Variants in NKAIN2 observed in about 807,000 individuals in gnomAD.
The protein encoded by NKAIN2 is sodium/potassium transporting ATPase interacting 2.
A neutral mutation model predicts 32.6 loss-of-function variants in NKAIN2; 14 were observed. The ratio of observed to expected loss-of-function variants is 0.43; its 90% CI spans 0.28 to 0.67. NKAIN2 has a LOEUF of 0.67. Among genes scored for constraint, NKAIN2 ranks in the 30% least tolerant of loss-of-function variants. The pLI, the probability that NKAIN2 is intolerant of heterozygous loss-of-function variation, is 0.17. For missense variants in NKAIN2, 198 were observed against 258.3 expected, an observed-to-expected ratio of 0.77 and a Z score of 1.60; for synonymous variants, 80 against 87.2, an observed-to-expected ratio of 0.92 and a Z score of 0.46.
chr6:124,779,090 A>T (rs977744639), intron 4 of NKAIN2, among the ~76,000 whole-genome samples: 1 of 151,934 alleles, frequency 6.6e-6, no homozygotes, highest in African/African-American at 2.4e-5. Flanking sequence ...TTATACAAAA[A>T]TTAGCTGGGC....
At chr6:124,075,804 C>T (rs963874849) in intron 1 of NKAIN2, among the ~76,000 whole-genome samples, 1 of 152,096 alleles carries the variant, frequency 6.6e-6, no homozygotes, top group African/African-American at 2.4e-5. Context: ...CCATGTTGGC[C>T]AGGCTGGTCT....
chr6:124,606,277 TCTC>T (rs1014994222), intron 3 of NKAIN2, among the ~76,000 whole-genome samples: 3 of 151,972 alleles, frequency 2.0e-5, no homozygotes, highest in Non-Finnish European at 4.4e-5. Flanking sequence ...TCAGGAGACT[TCTC>T]CTTTTTTTTG....
chr6:124,056,148 A>T (rs566739615), intron 1 of NKAIN2, among the ~76,000 whole-genome samples: 2 of 152,174 alleles, frequency 1.3e-5, no homozygotes, highest in African/African-American at 4.8e-5. Flanking sequence ...ATGCAGGGTA[A>T]TAAAAGTAAT....
intron 1 of NKAIN2, among the ~76,000 whole-genome samples, chr6:123,978,310 C>T (rs1022768328): frequency 6.6e-6 from 1 of 152,100 alleles, no homozygotes; most frequent in African/African-American, 2.4e-5. Context: ...ATAATTTAAA[C>T]TTATTGCTGC....
At chr6:124,555,188 T>C (rs538132935) in intron 3 of NKAIN2, among the ~76,000 whole-genome samples, 1 of 152,270 alleles carries the variant, frequency 6.6e-6, no homozygotes, top group African/African-American at 2.4e-5. Flanking sequence ...CTGGGCACAG[T>C]CTGTTGGTGC....
intron 2 of NKAIN2, among the ~76,000 whole-genome samples, chr6:124,337,277 C>T (rs1284203282): frequency 6.6e-6 from 1 of 152,112 alleles, no homozygotes; most frequent in African/African-American, 2.4e-5. Flanking sequence ...TGGGCAGATC[C>T]CTTGAGCTTA....
At chr6:124,480,308 CAG>C (rs1274278830) in intron 3 of NKAIN2, among the ~76,000 whole-genome samples, 1 of 152,156 alleles carries the variant, frequency 6.6e-6, no homozygotes, top group African/African-American at 2.4e-5. Flanking sequence ...TAACAGCTCT[CAG>C]TGAAAAAACT....
At chr6:123,816,432 G>A (rs886431525) in intron 1 of NKAIN2, among the ~76,000 whole-genome samples, 2 of 152,130 alleles carry the variant, frequency 1.3e-5, no homozygotes, top group African/African-American at 4.8e-5. Flanking sequence ...GGGAATGTGA[G>A]GGCAAAGTAG....
At chr6:124,650,423 G>T (rs376182532) in intron 3 of NKAIN2, among the ~76,000 whole-genome samples, 27 of 152,026 alleles carry the variant, frequency 1.8e-4, no homozygotes, top group African/African-American at 6.3e-4. Flanking sequence ...GAAATATATA[G>T]GTATCAATTT....
chr6:124,724,107 C>T (rs1776156826), intron 4 of NKAIN2, among the ~76,000 whole-genome samples: 1 of 152,164 alleles, frequency 6.6e-6, no homozygotes, highest in Non-Finnish European at 1.5e-5. Context: ...TGAGCCAACA[C>T]CAAGGCAGCA....
chr6:124,499,587 A>C (rs2114744178), intron 3 of NKAIN2, among the ~76,000 whole-genome samples: 1 of 152,280 alleles, frequency 6.6e-6, no homozygotes, highest in South Asian at 2.1e-4. Flanking sequence ...GGGTAGAACC[A>C]CTCAACTAAA....
intron 5 of NKAIN2, among the ~76,000 whole-genome samples, chr6:124,815,200 T>A (rs1382822818): frequency 1.5e-5 from 2 of 135,564 alleles, no homozygotes; most frequent in African/African-American, 5.6e-5. Context: ...CTGCAAAAAA[T>A]CCCCAGTCTT....
At chr6:124,222,358 A>C (rs78314943) in intron 1 of NKAIN2, among the ~76,000 whole-genome samples, 13,425 of 152,304 alleles carry the variant, frequency 0.088, 640 homozygotes, top group Non-Finnish European at 0.11. Flanking sequence ...ATACAGAAGT[A>C]AATAAATTTA....
In NKAIN2 at chr6:123,827,075, C is replaced by G. The variant is rs1774177857; in HGVS notation, c.54+22821C>G. ...TGGAATCTCATTGTGGTTCTGATTT[C>G]CATTTCCCTAATGTTTAGCGATGTT... On this transcript the variant is annotated intron_variant, in intron 1 of 6. Coordinates refer to ENST00000368417, the MANE Select transcript of NKAIN2 (RefSeq NM_001040214.3). 2.0e-5 allele frequency among the ~76,000 whole-genome samples: 3 copies of G among 152,070 alleles called. No homozygotes were observed. In the South Asian group the frequency reaches 6.2e-4, roughly 31 times the overall value.
intron 3 of NKAIN2, among the ~76,000 whole-genome samples, chr6:124,649,973 T>C (rs1192728603): frequency 6.6e-6 from 1 of 151,948 alleles, no homozygotes; most frequent in Non-Finnish European, 1.5e-5. Context: ...ACAAAAAAAC[T>C]CTCAGTAAAC....
intron 1 of NKAIN2, among the ~76,000 whole-genome samples, chr6:124,164,243 C>T (rs1166240792): frequency 1.3e-5 from 2 of 151,858 alleles, no homozygotes; most frequent in Non-Finnish European, 2.9e-5. Flanking sequence ...AAATAGAGAG[C>T]CTAGAGTAAA....
intron 4 of NKAIN2, among the ~76,000 whole-genome samples, chr6:124,784,729 G>C (rs1302960540): frequency 1.3e-5 from 2 of 152,004 alleles, no homozygotes; most frequent in Non-Finnish European, 2.9e-5. Flanking sequence ...TTATTTCTCT[G>C]AGATAAAATT....
chr6:123,900,957 T>A (rs1462891776), intron 1 of NKAIN2, among the ~76,000 whole-genome samples: 2 of 152,208 alleles, frequency 1.3e-5, no homozygotes, highest in African/African-American at 4.8e-5. Context: ...GAGATTTTCT[T>A]TGAGAAGATG....
intron 1 of NKAIN2, among the ~76,000 whole-genome samples, chr6:123,826,214 T>C (rs1178803065): frequency 2.0e-5 from 3 of 152,152 alleles, no homozygotes; most frequent in Non-Finnish European, 4.4e-5. Flanking sequence ...ATTTTTGCCT[T>C]CAGAATGGCC....
Sources: gnomAD v4.1 joint callset for allele counts (sites outside exome capture counted in the v4.1 genomes callset) on GRCh38, gnomAD v4.1.1 for gene constraint, MANE v1.5 for transcripts, NCBI Gene and HGNC (gene_info 2026-07-23, HGNC 2026-07-21) for gene names.